Variants in GPC5 observed in about 807,000 individuals in gnomAD.
The protein encoded by GPC5 is glypican 5.
GPC5 carries 47 observed loss-of-function variants against 53.9 expected under a neutral mutation model. The ratio of observed to expected loss-of-function variants is 0.87; its 90% CI spans 0.69 to 1.11. GPC5 has a LOEUF of 1.11. GPC5 is among the 50% of genes most tolerant of loss of function. The pLI is 0.00. For synonymous variants in GPC5, 286 were observed against 263.3 expected, an observed-to-expected ratio of 1.09 and a Z score of -0.84; for missense variants, 748 against 713.1, an observed-to-expected ratio of 1.05 and a Z score of -0.56.
chr13:92,306,011 G>A (rs1023017964), intron 7 of GPC5, among the ~76,000 whole-genome samples: 4 of 152,224 alleles, frequency 2.6e-5, no homozygotes, highest in Non-Finnish European at 5.9e-5. Context: ...AGATGGGAAA[G>A]TACGTGGACT....
intron 2 of GPC5, among the ~76,000 whole-genome samples, chr13:91,617,604 T>A (rs1458878459): frequency 6.6e-6 from 1 of 152,100 alleles, no homozygotes; most frequent in African/African-American, 2.4e-5. Flanking sequence ...CTAATTTTCA[T>A]GTATATGACA....
In GPC5 at chr13:92,189,627, C is replaced by T. The variant is rs570471758; in HGVS notation, c.1561+44638C>T. On this transcript the variant is annotated intron_variant, in intron 7 of 7. Coordinates refer to ENST00000377067, the MANE Select transcript of GPC5 (RefSeq NM_004466.6). ...CACACAAAAGTTTCAAGAGACTGAACGAGTATGAGAATCAGAGTCAGATAT... is the reference window on the plus strand; with the variant it reads ...CACACAAAAGTTTCAAGAGACTGAATGAGTATGAGAATCAGAGTCAGATAT... 4.5e-4 allele frequency among the ~76,000 whole-genome samples: 68 copies of T among 151,872 alleles called. 1 individual carries two copies. The Middle Eastern group carries it at 0.014, about 31-fold the overall frequency.
chr13:92,591,063 A>G (rs945353908), intron 7 of GPC5, among the ~76,000 whole-genome samples: 11 of 152,236 alleles, frequency 7.2e-5, no homozygotes, highest in African/African-American at 2.7e-4. Flanking sequence ...TAATGCTAAA[A>G]CAATGTAAGA....
intron 7 of GPC5, among the ~76,000 whole-genome samples, chr13:92,862,260 C>A (rs990810547): frequency 1.3e-5 from 2 of 152,066 alleles, no homozygotes. Flanking sequence ...ATTATATCAA[C>A]CTTATCCTGT....
chr13:91,770,704 TTGTG>T (rs71113759), intron 5 of GPC5, among the ~76,000 whole-genome samples: 3,828 of 145,584 alleles, frequency 0.026, 141 homozygotes, highest in African/African-American at 0.08. Flanking sequence ...GACTGTGTGT[TTGTG>T]TGTGTGTGTG....
intron 6 of GPC5, among the ~76,000 whole-genome samples, chr13:92,098,419 C>G (rs2041438468): frequency 6.6e-6 from 1 of 152,096 alleles, no homozygotes. Context: ...ATTTCTATTT[C>G]AGGAGTAATT....
At chr13:91,572,079 ATGTATATG>A (rs2031901273) in intron 2 of GPC5, among the ~76,000 whole-genome samples, 1 of 140,736 alleles carries the variant, frequency 7.1e-6, no homozygotes, top group African/African-American at 2.8e-5. Context: ...ATACACACAT[ATGTATATG>A]TACATGTGTG....
At chr13:91,626,358 G>A (rs79825477) in intron 2 of GPC5, among the ~76,000 whole-genome samples, 5,693 of 152,228 alleles carry the variant, frequency 0.037, 132 homozygotes, top group Middle Eastern at 0.068. Context: ...GGCATGTACT[G>A]ACCATGGGAG....
intron 5 of GPC5, among the ~76,000 whole-genome samples, chr13:91,836,542 G>A (rs529666445): frequency 1.5e-4 from 23 of 152,026 alleles, no homozygotes; most frequent in African/African-American, 4.6e-4. Flanking sequence ...AGCTCTTTTT[G>A]ATAAAAGTGT....
At chr13:92,354,278 A>T (rs1036686513) in intron 7 of GPC5, among the ~76,000 whole-genome samples, 1 of 152,232 alleles carries the variant, frequency 6.6e-6, no homozygotes, top group African/African-American at 2.4e-5. Flanking sequence ...TGGATTCTTT[A>T]TAATTGCTAC....
intron 7 of GPC5, among the ~76,000 whole-genome samples, chr13:92,863,402 C>A (rs1879243370): frequency 6.6e-6 from 1 of 152,152 alleles, no homozygotes; most frequent in African/African-American, 2.4e-5. Context: ...TGGAACTGTA[C>A]CTGACACCAC....
At chr13:92,842,561 G>C (rs935060027) in intron 7 of GPC5, among the ~76,000 whole-genome samples, 1 of 151,610 alleles carries the variant, frequency 6.6e-6, no homozygotes, top group Non-Finnish European at 1.5e-5. Flanking sequence ...ACTGATCAGA[G>C]CCTTACAGTC....
chr13:92,350,679 G>A (rs9523639), intron 7 of GPC5, among the ~76,000 whole-genome samples: 69,677 of 151,964 alleles, frequency 0.46, 17,072 homozygotes, highest in African/African-American at 0.65. Flanking sequence ...AGTCAATTTC[G>A]AAAGTTCTCA....
chr13:92,696,051 G>A (rs1349364738), intron 7 of GPC5, among the ~76,000 whole-genome samples: 1 of 152,128 alleles, frequency 6.6e-6, no homozygotes, highest in African/African-American at 2.4e-5. Context: ...TGGCTGCATA[G>A]TATTCCATGG....
intron 6 of GPC5, among the ~76,000 whole-genome samples, chr13:91,978,702 A>G (rs964330783): frequency 6.6e-6 from 1 of 152,184 alleles, no homozygotes. Context: ...GTCTTATTTT[A>G]TTTTAAATGC....
At chr13:91,722,982 A>G (rs2036505362) in intron 3 of GPC5, among the ~76,000 whole-genome samples, 1 of 152,168 alleles carries the variant, frequency 6.6e-6, no homozygotes, top group Admixed American at 6.5e-5. Context: ...CTTCCTATAA[A>G]TATTCCTTGT....
At chr13:92,663,205 A>T (rs929999955) in intron 7 of GPC5, among the ~76,000 whole-genome samples, 12 of 151,470 alleles carry the variant, frequency 7.9e-5, no homozygotes, top group South Asian at 2.1e-4. Flanking sequence ...TCGGAGAATA[A>T]TTTTTTTTTA....
intron 5 of GPC5, among the ~76,000 whole-genome samples, chr13:91,850,796 A>G (rs369067257): frequency 8.1e-6 from 1 of 123,398 alleles, no homozygotes; most frequent in African/African-American, 3.1e-5. Flanking sequence ...TTTAGATTCC[A>G]CCATTGATCT....
At chr13:92,258,893 T>C (rs1326569142) in intron 7 of GPC5, among the ~76,000 whole-genome samples, 4 of 152,184 alleles carry the variant, frequency 2.6e-5, no homozygotes, top group Admixed American at 2.6e-4. Context: ...CAGTGTACTA[T>C]GATCATGCCT....
Sources: gnomAD v4.1 joint callset for allele counts (sites outside exome capture counted in the v4.1 genomes callset) on GRCh38, gnomAD v4.1.1 for gene constraint, MANE v1.5 for transcripts, NCBI Gene and HGNC (gene_info 2026-07-23, HGNC 2026-07-21) for gene names.